Variants in FOXP2 observed in about 807,000 individuals in gnomAD.
FOXP2 encodes the protein forkhead box protein P2.
In FOXP2, 12 loss-of-function variants were observed where a neutral mutation model predicts 115.8. The ratio of observed to expected loss-of-function variants is 0.10; its 90% CI spans 0.07 to 0.17. The LOEUF is 0.17. FOXP2 is among the 10% of genes least tolerant of loss of function. The pLI, the probability that FOXP2 is intolerant of heterozygous loss-of-function variation, is 1.00. For missense variants in FOXP2, 629 were observed against 843.5 expected (o/e 0.75, Z 3.15); for synonymous variants, 328 against 297.7 (o/e 1.10, Z -1.05).
At position 114,631,737 on chromosome 7, in the gene FOXP2, C is replaced by G. The variant is rs1291825069; in HGVS notation, c.775+32C>G. ...ACAAAATGTTGTGCACTCTTCATTTCAAATCTTGTACTTTCTACCATTTCA... is the reference window on the plus strand; with the variant it reads ...ACAAAATGTTGTGCACTCTTCATTTGAAATCTTGTACTTTCTACCATTTCA... On this transcript the variant is annotated intron_variant, in intron 6 of 16. Coordinates refer to ENST00000350908, the MANE Select transcript of FOXP2 (RefSeq NM_014491.4). 8 of 1,607,648 alleles carry G rather than the reference C, an allele frequency of 5.0e-6. No homozygotes were observed. In the East Asian group the frequency reaches 6.7e-5, roughly 13 times the overall value.
chr7:114,168,554 G>A (rs1206225462), intron 1 of FOXP2, among the ~76,000 whole-genome samples: 2 of 152,188 alleles, frequency 1.3e-5, no homozygotes, highest in Non-Finnish European at 2.9e-5. Context: ...AGGTAACTTG[G>A]GTGCTGTTAA....
chr7:114,467,816 A>G (rs1795877161), intron 2 of FOXP2, among the ~76,000 whole-genome samples: 1 of 152,190 alleles, frequency 6.6e-6, no homozygotes. Context: ...AGTAGAAAGC[A>G]TTGACATTTG....
At chr7:114,386,673 G>A (rs1792462351) in intron 2 of FOXP2, among the ~76,000 whole-genome samples, 1 of 152,190 alleles carries the variant, frequency 6.6e-6, no homozygotes, top group South Asian at 2.1e-4. Flanking sequence ...GGAAGTGAAG[G>A]TTAATCCCAA....
At chr7:114,364,872 T>G (rs1192699725) in intron 2 of FOXP2, among the ~76,000 whole-genome samples, 1 of 152,172 alleles carries the variant, frequency 6.6e-6, no homozygotes, top group African/African-American at 2.4e-5. Flanking sequence ...CATTTATTAG[T>G]ATGATTTGGG....
chr7:114,294,410 A>C (rs1422802531), intron 2 of FOXP2, among the ~76,000 whole-genome samples: 2 of 152,176 alleles, frequency 1.3e-5, no homozygotes, highest in East Asian at 3.8e-4. Context: ...GTCACACGGA[A>C]GTATCTAGAT....
chr7:114,241,303 C>A (rs1471259655), intron 1 of FOXP2, among the ~76,000 whole-genome samples: 11 of 152,046 alleles, frequency 7.2e-5, no homozygotes, highest in Admixed American at 6.6e-4. Context: ...AGTAAGAGTT[C>A]TTTAAATATC....
intron 1 of FOXP2, among the ~76,000 whole-genome samples, chr7:114,252,288 A>G (rs1795468466): frequency 6.6e-6 from 1 of 152,192 alleles, no homozygotes; most frequent in South Asian, 2.1e-4. Context: ...CTTTGGTATC[A>G]GGATGATGCT....
chr7:114,473,629 G>C lies in FOXP2; in HGVS notation c.168+46950G>C, dbSNP rs151120176. 8.2e-3 allele frequency among the ~76,000 whole-genome samples: 1,239 copies of C among 151,978 alleles called. 11 individuals carry two copies. The Middle Eastern group carries it at 0.099, about 12-fold the overall frequency. ...GTTTATATACCACACCTTCTAAATCGTTTGGCAAAAAGGGAGCCCTCCCTT... is the reference window on the plus strand; with the variant it reads ...GTTTATATACCACACCTTCTAAATCCTTTGGCAAAAAGGGAGCCCTCCCTT... On this transcript the variant is annotated intron_variant, in intron 2 of 16. Transcript: ENST00000350908.
chr7:114,556,729 A>G (rs910154066), intron 3 of FOXP2, among the ~76,000 whole-genome samples: 3 of 152,216 alleles, frequency 2.0e-5, no homozygotes, highest in Non-Finnish European at 4.4e-5. Context: ...ATAATACCCT[A>G]TATAAGCACA....
Position 114,664,312 on chromosome 7 carries a change from C to T in FOXP2, c.1879C>T (p.Pro627Ser), listed in dbSNP as rs779157210. 31 of 1,613,422 alleles carry T rather than the reference C, an allele frequency of 1.9e-5. No homozygotes were observed. The highest frequency in any genetic ancestry group is 2.6e-5 in the Non-Finnish European group (31 of 1,179,714). ...GAGCAGTTTACCTTTGCTAAGTAAT[C>T]CTGGACTGATAAATAATGCATCCAG... ...AESSLPLLSN[P>S]GLINNASSGL... Residue 627 changes from proline (P) to serine (S), a missense_variant, in exon 16 of 17, where the codon CCT becomes TCT. Pro to Ser is a moderately conservative substitution (Grantham distance 74). Around this residue, in one of 9 missense-constraint regions of FOXP2, gnomAD observed 117 missense variants for 112.3 expected, o/e 1.04. Transcript: ENST00000350908.
At chr7:114,437,216 T>C (rs369682649) in intron 2 of FOXP2, among the ~76,000 whole-genome samples, 32 of 152,176 alleles carry the variant, frequency 2.1e-4, no homozygotes, top group African/African-American at 7.7e-4. Context: ...GGAAGTGATT[T>C]ACGTGTGATT....
intron 3 of FOXP2, among the ~76,000 whole-genome samples, chr7:114,555,514 G>A (rs1287663081): frequency 1.3e-5 from 2 of 152,078 alleles, no homozygotes; most frequent in Non-Finnish European, 2.9e-5. Flanking sequence ...TAGAGCAAAG[G>A]GGCTGGGCAC....
intron 2 of FOXP2, among the ~76,000 whole-genome samples, chr7:114,516,602 G>C (rs1007660948): frequency 6.6e-6 from 1 of 151,482 alleles, no homozygotes; most frequent in Non-Finnish European, 1.5e-5. Flanking sequence ...TTCCATAATA[G>C]CTGTGCCAAT....
intron 2 of FOXP2, among the ~76,000 whole-genome samples, chr7:114,381,127 T>C (rs1043684901): frequency 6.6e-6 from 1 of 152,244 alleles, no homozygotes; most frequent in Admixed American, 6.5e-5. Context: ...TGAATCCATA[T>C]TCGGCAGAAA....
intron 4 of FOXP2, chr7:114,629,536 G>A: frequency 7.2e-7 from 1 of 1,397,862 alleles, no homozygotes; most frequent in Non-Finnish European, 9.8e-7. Context: ...ATAATTTAAA[G>A]TATTAATTTG....
intron 3 of FOXP2, among the ~76,000 whole-genome samples, chr7:114,580,165 G>A (rs986703833): frequency 1.3e-5 from 2 of 152,196 alleles, no homozygotes; most frequent in African/African-American, 2.4e-5. Flanking sequence ...GCAATAGAAA[G>A]CAGTCACTGG....
intron 2 of FOXP2, chr7:114,288,231 T>A: frequency 2.6e-6 from 1 of 390,030 alleles, no homozygotes; most frequent in Non-Finnish European, 5.0e-6. Flanking sequence ...AAGAAGTTGT[T>A]TTCAGCGGAC....
chr7:114,557,152 A>G (rs542754982), intron 3 of FOXP2, among the ~76,000 whole-genome samples: 21 of 152,324 alleles, frequency 1.4e-4, no homozygotes, highest in Non-Finnish European at 3.1e-4. Context: ...ATTGTTGGAC[A>G]ATGAGTCAAG....
At chr7:114,465,557 G>C (rs1271854089) in intron 2 of FOXP2, among the ~76,000 whole-genome samples, 1 of 152,202 alleles carries the variant, frequency 6.6e-6, no homozygotes, top group Non-Finnish European at 1.5e-5. Context: ...TGTTTCAACA[G>C]AGTATTCTAA....
Sources: allele counts gnomAD v4.1 joint callset (sites outside exome capture counted in the v4.1 genomes callset), GRCh38; gene constraint gnomAD v4.1.1; regional missense constraint gnomAD v4.1.1; transcripts MANE v1.5; gene names NCBI Gene and HGNC (gene_info 2026-07-23, HGNC 2026-07-21).